COL23A1: variants seen among roughly 807,000 people sequenced by gnomAD.
COL23A1 encodes the protein collagen alpha-1(XXIII) chain.
A neutral mutation model predicts 99.3 loss-of-function variants in COL23A1; 97 were observed. The observed-to-expected ratio is 0.98, with a 90% CI of 0.83 to 1.16. The LOEUF is 1.16. Among genes scored for constraint, COL23A1 ranks in the 50% most tolerant of loss-of-function variants. COL23A1 has a pLI of 0.00. For synonymous variants in COL23A1, 320 were observed against 308.2 expected (o/e 1.04, Z -0.40); for missense variants, 762 against 757.4 (o/e 1.01, Z -0.07).
In COL23A1 at chr5:178,544,452, G is replaced by A. The variant is rs2113369722; in HGVS notation, c.361+16230C>T. On this transcript the variant is annotated intron_variant, in intron 2 of 28. Coordinates refer to ENST00000390654, the MANE Select transcript of COL23A1 (RefSeq NM_173465.4). The surrounding 1 kb of genome is among the most constrained non-coding windows in gnomAD (Gnocchi z 4.4). ...AGCCCAAGACCTGCCATGGCGGTGG[G>A]GAGCAGTCTCCCTCAGATGGGGTCC... Among the ~76,000 whole-genome samples the A allele has an allele frequency of 6.6e-6, 1 of 152,270 alleles. No individual in the cohort carries two copies. Among genetic ancestry groups the A allele is most frequent in the African/African-American group, 2.4e-5 (1 of 41,548 alleles).
chr5:178,254,294 G>GCCACA (rs1452875558), intron 16 of COL23A1, among the ~76,000 whole-genome samples: 2 of 152,098 alleles, frequency 1.3e-5, no homozygotes, highest in Non-Finnish European at 2.9e-5. Flanking sequence ...GCCACGCCAC[G>GCCACA]CCACACCATG....
At chr5:178,277,240 C>T (rs1756640812) in intron 5 of COL23A1, among the ~76,000 whole-genome samples, 1 of 150,768 alleles carries the variant, frequency 6.6e-6, no homozygotes, top group South Asian at 2.1e-4. Flanking sequence ...GTGGCACATG[C>T]CTGTAGCTCC....
At chr5:178,249,260 T>TC (rs1335666447) in intron 18 of COL23A1, 54 bp from the exon 19 acceptor site, 6 of 1,551,968 alleles carry the variant, frequency 3.9e-6, no homozygotes, top group South Asian at 1.1e-5. Context: ...CCCTCCCTTC[T>TC]CCCCCCAGCA....
intron 2 of COL23A1, among the ~76,000 whole-genome samples, chr5:178,363,421 T>C (rs760954903): frequency 7.3e-4 from 111 of 152,338 alleles, no homozygotes; most frequent in Middle Eastern, 6.8e-3. Flanking sequence ...ACTCATTCAC[T>C]GATTCACTCA....
intron 2 of COL23A1, among the ~76,000 whole-genome samples, chr5:178,480,317 T>C (rs567580338): frequency 7.2e-5 from 11 of 152,154 alleles, no homozygotes; most frequent in Non-Finnish European, 1.0e-4. Context: ...ACCCGGACTC[T>C]GGAGGTCCTA....
At chr5:178,368,097 G>A (rs553212613) in intron 2 of COL23A1, among the ~76,000 whole-genome samples, 3 of 152,320 alleles carry the variant, frequency 2.0e-5, no homozygotes, top group South Asian at 2.1e-4. Context: ...ATTTTGATGC[G>A]TCGAAAGGGC....
Position 178,304,264 on chromosome 5 carries a change from T to C in COL23A1, c.406+2611A>G, listed in dbSNP as rs60686405. The stretch of plus-strand genomic sequence containing the variant: ...TGGCTCACGCCTACAATCCCAGAGC[T>C]TTGGGAGGCCAAGGCGGGCGGATCA... On this transcript the variant is annotated intron_variant, in intron 3 of 28. Transcript: ENST00000390654. Among the ~76,000 whole-genome samples the C allele has an allele frequency of 4.1e-3, 623 of 152,164 alleles. 7 individuals are homozygous for C. The highest frequency in any genetic ancestry group is 0.014 in the African/African-American group (593 of 41,526).
At chr5:178,289,853 G>A (rs547884860) in intron 4 of COL23A1, among the ~76,000 whole-genome samples, 1 of 152,308 alleles carries the variant, frequency 6.6e-6, no homozygotes, top group South Asian at 2.1e-4. Flanking sequence ...GTGGAATTCT[G>A]TGCCTGCATT....
intron 2 of COL23A1, among the ~76,000 whole-genome samples, chr5:178,462,843 T>C (rs1239441923): frequency 2.0e-5 from 3 of 152,242 alleles, no homozygotes; most frequent in Non-Finnish European, 2.9e-5. Context: ...CATGGTTCCG[T>C]CTTCAGAGCT....
intron 2 of COL23A1, among the ~76,000 whole-genome samples, chr5:178,543,214 T>C (rs1380530386): frequency 6.6e-6 from 1 of 152,000 alleles, no homozygotes; most frequent in Non-Finnish European, 1.5e-5. Flanking sequence ...TTCAACCGAT[T>C]CTCCTGCCTC....
At chr5:178,547,126 G>A (rs504596) in intron 2 of COL23A1, among the ~76,000 whole-genome samples, 119,134 of 152,064 alleles carry the variant, frequency 0.78, 47,139 homozygotes, top group East Asian at 0.88. Flanking sequence ...GCTTTTCAGG[G>A]AAGGTATTTC....
At chr5:178,521,023 C>T (rs1377899826) in intron 2 of COL23A1, among the ~76,000 whole-genome samples, 1 of 152,194 alleles carries the variant, frequency 6.6e-6, no homozygotes, top group East Asian at 1.9e-4. Context: ...GCCTACTACA[C>T]ACTGGGCTAC....
At chr5:178,326,942 A>T (rs557006319) in intron 2 of COL23A1, among the ~76,000 whole-genome samples, 35 of 152,044 alleles carry the variant, frequency 2.3e-4, no homozygotes, top group South Asian at 1.0e-3. Context: ...CTGGTCTCGA[A>T]CTCCTGACTT....
chr5:178,277,861 C>A (rs2127573080), intron 5 of COL23A1, among the ~76,000 whole-genome samples: 1 of 152,320 alleles, frequency 6.6e-6, no homozygotes, highest in Admixed American at 6.5e-5. Context: ...TCAGAAAATA[C>A]TGTTCCTCAT....
chr5:178,332,901 C>T (rs141897264), intron 2 of COL23A1, among the ~76,000 whole-genome samples: 34 of 151,716 alleles, frequency 2.2e-4, no homozygotes, highest in East Asian at 1.6e-3. Context: ...AGCCAGACAT[C>T]GGGATTTTGA....
chr5:178,508,881 GTCT>G (rs1162259640), intron 2 of COL23A1, among the ~76,000 whole-genome samples: 1 of 152,138 alleles, frequency 6.6e-6, no homozygotes, highest in African/African-American at 2.4e-5. Flanking sequence ...CATCATAACA[GTCT>G]TCTTATGTTT....
intron 2 of COL23A1, among the ~76,000 whole-genome samples, chr5:178,485,032 C>T (rs1106072): frequency 0.37 from 55,668 of 151,982 alleles, 11,930 homozygotes; most frequent in Admixed American, 0.5. Context: ...ACTTCGCTTA[C>T]GGCTCTGGCA....
At chr5:178,499,681 A>T (rs888238381) in intron 2 of COL23A1, among the ~76,000 whole-genome samples, 2 of 152,240 alleles carry the variant, frequency 1.3e-5, no homozygotes, top group African/African-American at 4.8e-5. Context: ...TTAATCGTAT[A>T]CCTAATAAAT....
chr5:178,413,091 G>A (rs1265407976), intron 2 of COL23A1, among the ~76,000 whole-genome samples: 1 of 152,038 alleles, frequency 6.6e-6, no homozygotes, highest in Admixed American at 6.5e-5. Flanking sequence ...GCTGAGGCAG[G>A]AGGATCACTT....
Sources: gnomAD v4.1 joint callset for allele counts (sites outside exome capture counted in the v4.1 genomes callset) on GRCh38, gnomAD v4.1.1 for gene constraint, Gnocchi (gnomAD v3.1) non-coding constraint, MANE v1.5 for transcripts, NCBI Gene and HGNC (gene_info 2026-07-23, HGNC 2026-07-21) for gene names.